MYT1L: variants seen among roughly 807,000 people sequenced by gnomAD.
The protein encoded by MYT1L is myelin transcription factor 1-like protein.
MYT1L carries 12 observed loss-of-function variants against 126.7 expected under a neutral mutation model. That is an observed-to-expected ratio of 0.09 (90% CI 0.06 to 0.15). MYT1L has a LOEUF of 0.15. Among genes scored for constraint, MYT1L ranks in the 10% least tolerant of loss-of-function variants. The pLI is 1.00. For synonymous variants in MYT1L, 541 were observed against 604.2 expected, an observed-to-expected ratio of 0.90 and a Z score of 1.53; for missense variants, 979 against 1,585.2, an observed-to-expected ratio of 0.62 and a Z score of 6.49.
chr2:2,199,351 G>T (rs2148812489), intron 2 of MYT1L, among the ~76,000 whole-genome samples: 1 of 152,322 alleles, frequency 6.6e-6, no homozygotes, highest in African/African-American at 2.4e-5. Flanking sequence ...CTGCACACTT[G>T]GGCACTGCCT....
chr2:1,865,223 G>A (rs1430769795), intron 18 of MYT1L, among the ~76,000 whole-genome samples: 1 of 152,214 alleles, frequency 6.6e-6, no homozygotes, highest in Non-Finnish European at 1.5e-5. Flanking sequence ...ACAAAGGTGG[G>A]ACCTGCACTG....
chr2:1,980,219 T>C (rs1157651375), intron 5 of MYT1L, among the ~76,000 whole-genome samples: 2 of 147,724 alleles, frequency 1.4e-5, no homozygotes, highest in African/African-American at 2.5e-5. Flanking sequence ...TATTTATATA[T>C]ATAACATATA....
chr2:1,941,332 G>A (rs1007741085), intron 9 of MYT1L, among the ~76,000 whole-genome samples: 14 of 152,154 alleles, frequency 9.2e-5, no homozygotes, highest in Admixed American at 2.0e-4. Context: ...ACGTGAAAGA[G>A]CCACATTGTA....
At chr2:2,084,032 G>A (rs2076112841) in intron 3 of MYT1L, among the ~76,000 whole-genome samples, 1 of 151,468 alleles carries the variant, frequency 6.6e-6, no homozygotes. Context: ...AGTATAGACT[G>A]AGAGGGCTAA....
At chr2:2,227,705 C>T (rs1471268556) in intron 2 of MYT1L, among the ~76,000 whole-genome samples, 1 of 152,182 alleles carries the variant, frequency 6.6e-6, no homozygotes, top group Non-Finnish European at 1.5e-5. Flanking sequence ...CAAATATGTT[C>T]ACTACCATTG....
Position 2,229,924 on chromosome 2 carries a change from G to A in MYT1L, c.-421+54480C>T, listed in dbSNP as rs140247942. 4.2e-3 allele frequency among the ~76,000 whole-genome samples: 638 copies of A among 151,958 alleles called. 6 individuals carry two copies. Among genetic ancestry groups the A allele is most frequent in the African/African-American group, 0.014 (599 of 41,438 alleles). On this transcript the variant is annotated intron_variant, in intron 2 of 24. Transcript: ENST00000647738. Reference sequence around the variant, plus strand: ...AATTTTATTATTTATAAATCCTTCCGGTGAAAAACCATTTGTTTTAAATTC... The same window carrying A: ...AATTTTATTATTTATAAATCCTTCCAGTGAAAAACCATTTGTTTTAAATTC...
At chr2:2,015,729 C>T (rs1237363523) in intron 4 of MYT1L, among the ~76,000 whole-genome samples, 2 of 152,188 alleles carry the variant, frequency 1.3e-5, no homozygotes, top group Admixed American at 6.5e-5. Context: ...GAACTTCCCA[C>T]CAGCACACCG....
At chr2:2,277,026 G>A (rs1347052567) in intron 2 of MYT1L, among the ~76,000 whole-genome samples, 2 of 151,594 alleles carry the variant, frequency 1.3e-5, no homozygotes, top group African/African-American at 4.9e-5. Context: ...CTGTTGGCCA[G>A]GCTGGAGTGC....
chr2:1,817,787 G>A lies in MYT1L; in HGVS notation c.3081-8620C>T, dbSNP rs539666864. On this transcript the variant is annotated intron_variant, in intron 21 of 24. Coordinates refer to ENST00000647738, the MANE Select transcript of MYT1L (RefSeq NM_001303052.2). The stretch of plus-strand genomic sequence containing the variant: ...AGGAGGTCAGCCCACGGCTGGTCCC[G>A]GGTGTAAATTATAAAGAGGGTGCTT... 1.7e-4 allele frequency among the ~76,000 whole-genome samples: 26 copies of A among 152,322 alleles called. No homozygotes were observed. The South Asian group carries it at 3.1e-3, about 18-fold the overall frequency.
At chr2:1,966,815 G>T (rs183280791) in intron 8 of MYT1L, among the ~76,000 whole-genome samples, 2 of 151,224 alleles carry the variant, frequency 1.3e-5, no homozygotes, top group African/African-American at 4.9e-5. Flanking sequence ...AATTTACATC[G>T]ATCATATGAG....
chr2:1,992,232 T>C, intron 5 of MYT1L, among the ~76,000 whole-genome samples: 1 of 152,214 alleles, frequency 6.6e-6, no homozygotes, highest in East Asian at 1.9e-4. Flanking sequence ...TCTCCATAGT[T>C]AGTTCCTGAA....
At chr2:2,185,547 G>T (rs1382772504) in intron 2 of MYT1L, among the ~76,000 whole-genome samples, 2 of 148,612 alleles carry the variant, frequency 1.3e-5, no homozygotes, top group African/African-American at 5.0e-5. Flanking sequence ...GACGCAGCCG[G>T]GCCTCCTCGA....
rs747478834 is a variant in MYT1L, at chr2:2,024,744, C to G, written c.-157-27397G>C. ...GCTCATCCTAAGATCCTTCCATAGC[C>G]AGCCGCAGTCCACCAATTCTGACTT... On this transcript the variant is annotated intron_variant, in intron 4 of 24. Coordinates refer to ENST00000647738, the MANE Select transcript of MYT1L (RefSeq NM_001303052.2). Among the ~76,000 whole-genome samples, 2 of 152,232 alleles carry G rather than the reference C, an allele frequency of 1.3e-5. 1 individual carries two copies. The highest frequency in any genetic ancestry group is 4.8e-5 in the African/African-American group (2 of 41,448).
At chr2:2,122,880 A>T (rs998408401) in intron 3 of MYT1L, among the ~76,000 whole-genome samples, 11 of 140,008 alleles carry the variant, frequency 7.9e-5, no homozygotes, top group African/African-American at 2.2e-4. Flanking sequence ...TGTGAGAGAG[A>T]GAGAGAGAGA....
intron 23 of MYT1L, among the ~76,000 whole-genome samples, chr2:1,797,900 CTT>C (rs1473837744): frequency 2.4e-5 from 2 of 81,656 alleles, no homozygotes; most frequent in Admixed American, 1.2e-4. Flanking sequence ...CGGTCTCCCC[CTT>C]CTCCGGCACA....
intron 11 of MYT1L, among the ~76,000 whole-genome samples, chr2:1,914,937 C>A (rs1379009924): frequency 6.6e-6 from 1 of 152,236 alleles, no homozygotes; most frequent in East Asian, 1.9e-4. Context: ...ACAGCTGGAG[C>A]ATCACCTCAC....
chr2:2,108,834 T>C (rs527692485), intron 3 of MYT1L, among the ~76,000 whole-genome samples: 1 of 152,364 alleles, frequency 6.6e-6, no homozygotes, highest in East Asian at 1.9e-4. Flanking sequence ...CTTAGCTCTA[T>C]GCAATATATT....
chr2:1,864,418 C>T (rs1033218211), intron 18 of MYT1L, among the ~76,000 whole-genome samples: 2 of 152,218 alleles, frequency 1.3e-5, no homozygotes, highest in Non-Finnish European at 2.9e-5. Flanking sequence ...CTGCCAGCTC[C>T]GGCCTTCCCA....
At chr2:1,927,986 CT>C (rs1312922450) in intron 9 of MYT1L, among the ~76,000 whole-genome samples, 4 of 152,194 alleles carry the variant, frequency 2.6e-5, no homozygotes, top group African/African-American at 9.7e-5. Context: ...CAGGGTCTGG[CT>C]CTGTTGCCCA....
Sources: gnomAD v4.1 joint callset for allele counts (sites outside exome capture counted in the v4.1 genomes callset) on GRCh38, gnomAD v4.1.1 for gene constraint, MANE v1.5 for transcripts, NCBI Gene and HGNC (gene_info 2026-07-23, HGNC 2026-07-21) for gene names.